The following TTC29 variants were observed in gnomAD, a reference collection of about 807,000 sequenced individuals.
TTC29 encodes tetratricopeptide repeat protein 29.
A neutral mutation model predicts 58.1 loss-of-function variants in TTC29; 49 were observed. The observed-to-expected ratio is 0.84, with a 90% CI of 0.67 to 1.07. The LOEUF (loss-of-function observed/expected upper bound fraction) is 1.07, where lower values mean the gene tolerates loss of function less well. TTC29 is among the 50% of genes least tolerant of loss of function. The pLI is 0.00. For missense variants in TTC29, 582 were observed against 555.6 expected (o/e 1.05, Z -0.48); for synonymous variants, 209 against 196.8 (o/e 1.06, Z -0.52).
chr4:146,889,088 C>T (rs935080071), intron 6 of TTC29, among the ~76,000 whole-genome samples: 4 of 152,102 alleles, frequency 2.6e-5, no homozygotes, highest in African/African-American at 9.7e-5. Flanking sequence ...CTTAATTTAA[C>T]CCCCATGTAT....
chr4:146,832,262 C>T (rs566369695), intron 9 of TTC29, among the ~76,000 whole-genome samples: 12 of 152,136 alleles, frequency 7.9e-5, no homozygotes, highest in Non-Finnish European at 1.3e-4. Flanking sequence ...TTGATTAGTT[C>T]CAAACAGACA....
chr4:146,758,793 T>C (rs898553115), intron 11 of TTC29, among the ~76,000 whole-genome samples: 3 of 152,008 alleles, frequency 2.0e-5, no homozygotes. Flanking sequence ...TCGAACTTAA[T>C]GACAATAATG....
At chr4:146,830,312 C>G (rs535520620) in intron 9 of TTC29, among the ~76,000 whole-genome samples, 3 of 152,172 alleles carry the variant, frequency 2.0e-5, no homozygotes, top group Admixed American at 2.0e-4. Flanking sequence ...AAGTCTGTAT[C>G]TATTAATAAT....
At chr4:146,927,016 A>G (rs115817844) in intron 4 of TTC29, among the ~76,000 whole-genome samples, 2,149 of 149,084 alleles carry the variant, frequency 0.014, 45 homozygotes, top group African/African-American at 0.05. Context: ...AGAATTGCTT[A>G]AACCCAGGAG....
At chr4:146,802,519 C>A (rs563833562) in intron 11 of TTC29, among the ~76,000 whole-genome samples, 1 of 152,228 alleles carries the variant, frequency 6.6e-6, no homozygotes, top group South Asian at 2.1e-4. Flanking sequence ...AAGTAGTATT[C>A]TACTGACCTA....
At chr4:146,917,682 A>G (rs1194000631) in intron 4 of TTC29, among the ~76,000 whole-genome samples, 1 of 99,214 alleles carries the variant, frequency 1.0e-5, no homozygotes, top group Non-Finnish European at 2.3e-5. Flanking sequence ...TATAAATTTT[A>G]TATTATATTA....
In TTC29 at chr4:146,776,984, A is replaced by T. The variant is rs1748148816; in HGVS notation, c.1330+26473T>A. Reference sequence around the variant, plus strand: ...GAGGCAGGGCCACTGGTATCAGTGCATGCGTTCACACTGGCGGTGGTGGTG... The same window carrying T: ...GAGGCAGGGCCACTGGTATCAGTGCTTGCGTTCACACTGGCGGTGGTGGTG... On this transcript the variant is annotated intron_variant, in intron 11 of 12. Transcript: ENST00000325106. 2.0e-5 allele frequency among the ~76,000 whole-genome samples: 3 copies of T among 152,008 alleles called. No homozygotes were observed. In the South Asian group the frequency reaches 6.2e-4, roughly 32 times the overall value.
chr4:146,732,531 A>T (rs1230731404), intron 11 of TTC29, among the ~76,000 whole-genome samples: 1 of 152,158 alleles, frequency 6.6e-6, no homozygotes, highest in Non-Finnish European at 1.5e-5. Context: ...GGATGCTTAA[A>T]ATTGGCTTTG....
At chr4:146,753,824 T>C (rs183593766) in intron 11 of TTC29, among the ~76,000 whole-genome samples, 4 of 151,890 alleles carry the variant, frequency 2.6e-5, no homozygotes, top group African/African-American at 9.7e-5. Flanking sequence ...AGACACTGCA[T>C]GTTTTCACTC....
chr4:146,774,301 T>A (rs888478763), intron 11 of TTC29, among the ~76,000 whole-genome samples: 1 of 152,176 alleles, frequency 6.6e-6, no homozygotes, highest in Non-Finnish European at 1.5e-5. Context: ...GCTTCTACAG[T>A]TCCCTTACAT....
intron 11 of TTC29, among the ~76,000 whole-genome samples, chr4:146,773,876 G>A (rs1238487475): frequency 6.6e-6 from 1 of 151,544 alleles, no homozygotes; most frequent in African/African-American, 2.4e-5. Flanking sequence ...CTGGTCCTGG[G>A]TTTCTTCTTA....
At chr4:146,728,826 C>CGT (rs1242822908) in intron 11 of TTC29, among the ~76,000 whole-genome samples, 6,459 of 91,418 alleles carry the variant, frequency 0.071, 1,914 homozygotes, top group Non-Finnish European at 0.11. Flanking sequence ...TGTATATATA[C>CGT]ATATATATAC....
intron 11 of TTC29, among the ~76,000 whole-genome samples, chr4:146,795,582 A>G (rs985592536): frequency 3.3e-5 from 5 of 152,214 alleles, no homozygotes; most frequent in African/African-American, 4.8e-5. Context: ...GGGAAGACAG[A>G]GTAAAACAAC....
At chr4:146,938,317 T>C (rs1384760968) in intron 3 of TTC29, among the ~76,000 whole-genome samples, 3 of 152,158 alleles carry the variant, frequency 2.0e-5, no homozygotes, top group Non-Finnish European at 4.4e-5. Context: ...CAAATATCAG[T>C]GTTTTATTCA....
chr4:146,876,703 G>T (rs1211360495), intron 6 of TTC29, among the ~76,000 whole-genome samples: 1 of 152,148 alleles, frequency 6.6e-6, no homozygotes, highest in Non-Finnish European at 1.5e-5. Flanking sequence ...TTGGGAGGCT[G>T]AGGCCTGTGG....
In TTC29 at chr4:146,813,845, G is replaced by A. The variant is rs143068685; in HGVS notation, c.1101+6280C>T. Among the ~76,000 whole-genome samples, 447 of 152,252 alleles carry A rather than the reference G, an allele frequency of 2.9e-3. 2 individuals are homozygous for A. The highest frequency in any genetic ancestry group is 0.01 in the Middle Eastern group (3 of 294). ...TGAAAAATACAAAAATTAGCTGGGT[G>A]GGGTGGCATGTGCCTGTAATCCCAG... On this transcript the variant is annotated intron_variant, in intron 10 of 12. Transcript: ENST00000325106.
chr4:146,732,797 A>G (rs1744437177), intron 11 of TTC29, among the ~76,000 whole-genome samples: 1 of 152,196 alleles, frequency 6.6e-6, no homozygotes, highest in African/African-American at 2.4e-5. Context: ...AGATAACTGC[A>G]AGCCAAAAGA....
intron 11 of TTC29, among the ~76,000 whole-genome samples, chr4:146,793,683 G>A (rs1213304701): frequency 6.6e-6 from 1 of 152,098 alleles, no homozygotes; most frequent in Non-Finnish European, 1.5e-5. Flanking sequence ...GCAAAAGAGA[G>A]TCTAGGAGAG....
At chr4:146,881,106 A>T (rs1206360193) in intron 6 of TTC29, among the ~76,000 whole-genome samples, 1 of 152,180 alleles carries the variant, frequency 6.6e-6, no homozygotes, top group Non-Finnish European at 1.5e-5. Flanking sequence ...TAATTAGACA[A>T]GGTGTTAATT....
Sources: allele counts gnomAD v4.1 joint callset (sites outside exome capture counted in the v4.1 genomes callset), GRCh38; gene constraint gnomAD v4.1.1; transcripts MANE v1.5; gene names NCBI Gene and HGNC (gene_info 2026-07-23, HGNC 2026-07-21).